The following GALNT8 variants were observed in gnomAD, a reference collection of about 807,000 sequenced individuals.
GALNT8 encodes probable polypeptide N-acetylgalactosaminyltransferase 8.
GALNT8 carries 66 observed loss-of-function variants against 62.7 expected under a neutral mutation model. The ratio of observed to expected loss-of-function variants is 1.05; its 90% CI spans 0.86 to 1.29. The LOEUF (loss-of-function observed/expected upper bound fraction) is 1.29, where lower values mean the gene tolerates loss of function less well. Ranked by LOEUF, GALNT8 falls within the 50% of genes most tolerant of loss-of-function variation. The probability of loss-of-function intolerance (pLI) is 0.00; values close to 1 mark genes in which losing one functional copy is unlikely to be tolerated. For synonymous variants in GALNT8, 288 were observed against 294.3 expected, an observed-to-expected ratio of 0.98 and a Z score of 0.22; for missense variants, 771 against 791.8, an observed-to-expected ratio of 0.97 and a Z score of 0.32.
chr12:4,733,745 C>T (rs775434394), intron 2 of GALNT8, among the ~76,000 whole-genome samples: 2 of 152,204 alleles, frequency 1.3e-5, no homozygotes, highest in African/African-American at 2.4e-5. Flanking sequence ...GTCCAAGGCT[C>T]GTTTCTGCTG....
intron 9 of GALNT8, 34 bp downstream of exon 9, chr12:4,764,081 C>T (rs1306049335): frequency 5.0e-6 from 6 of 1,197,708 alleles, no homozygotes; most frequent in Non-Finnish European, 6.3e-6. Flanking sequence ...CCTGCCTGGG[C>T]AAGTCTGTCG....
chr12:4,738,906 AGTAT>A (rs1251697783), intron 2 of GALNT8, among the ~76,000 whole-genome samples: 1 of 152,208 alleles, frequency 6.6e-6, no homozygotes, highest in East Asian at 1.9e-4. Flanking sequence ...TTCCTTTTGA[AGTAT>A]GTTGAATGTT....
At chr12:4,765,326 T>C in intron 9 of GALNT8, 53 bp from the exon 10 acceptor site, 1 of 1,450,420 alleles carries the variant, frequency 6.9e-7, no homozygotes, top group Non-Finnish European at 9.1e-7. Flanking sequence ...TCCTGCTGGC[T>C]GACAATGCCT....
chr12:4,743,282 G>A (rs1946280237), intron 3 of GALNT8, among the ~76,000 whole-genome samples: 1 of 152,212 alleles, frequency 6.6e-6, no homozygotes, highest in South Asian at 2.1e-4. Context: ...TAAAAGTAGT[G>A]CCTGGGTAAG....
At chr12:4,769,072 T>TTGAGGAGCACAGCGTTAAGATAG (rs1222095560) in intron 10 of GALNT8, among the ~76,000 whole-genome samples, 4 of 152,090 alleles carry the variant, frequency 2.6e-5, no homozygotes, top group Admixed American at 6.6e-5. Context: ...GGACTTTAAG[T>TTGAGGAGCACAGCGTTAAGATAG]TGAGGAGCAC....
Position 4,763,207 on chromosome 12 carries a change from G to C in GALNT8, c.1360-46G>C, listed in dbSNP as rs1313520693. ...GCCATATTTAGTTCGCTTTAACAGA[G>C]CTTTCATGAATCAAAGCACAGAAAC... On this transcript the variant is annotated intron_variant, in intron 7 of 10. Transcript: ENST00000252318. The C allele has an allele frequency of 1.9e-6, 3 of 1,562,408 alleles. No individual in the cohort carries two copies. In the East Asian group the frequency reaches 6.7e-5, roughly 35 times the overall value.
intron 1 of GALNT8, 110 bp downstream of exon 1, chr12:4,720,998 T>C (rs1257839404): frequency 2.9e-6 from 2 of 685,606 alleles, no homozygotes; most frequent in Non-Finnish European, 5.3e-6. Flanking sequence ...CATTTTCATC[T>C]CAGTCGCTCA....
intron 7 of GALNT8, among the ~76,000 whole-genome samples, chr12:4,762,174 C>G (rs1946376280): frequency 6.6e-6 from 1 of 152,074 alleles, no homozygotes; most frequent in African/African-American, 2.4e-5. Context: ...CCCAGTATAC[C>G]AAGGTATGAT....
intron 2 of GALNT8, among the ~76,000 whole-genome samples, chr12:4,731,035 A>T (rs1020391653): frequency 1.3e-5 from 2 of 151,968 alleles, no homozygotes; most frequent in Admixed American, 6.6e-5. Context: ...TTTTTAGTAG[A>T]GACGGGGTTT....
chr12:4,729,425 C>T (rs753634450), intron 2 of GALNT8, among the ~76,000 whole-genome samples: 2 of 152,132 alleles, frequency 1.3e-5, no homozygotes, highest in Non-Finnish European at 2.9e-5. Context: ...TCTCTAACCC[C>T]TCTTCGCCCA....
chr12:4,745,340 AG>A (rs1174511738), intron 4 of GALNT8, 88 bp from the exon 5 acceptor site: 9 of 817,652 alleles, frequency 1.1e-5, no homozygotes, highest in Non-Finnish European at 1.9e-5. Context: ...ACTCAATGTC[AG>A]GGCAAGGTGC....
chr12:4,764,052 C>G lies in GALNT8; in HGVS notation c.1593+5C>G. The stretch of plus-strand genomic sequence containing the variant: ...TGCCATGAATTCAGCTCACAGGTAT[C>G]TTCCACAATCTTCCTGGCCCTGCCT... On this transcript the variant is annotated splice_donor_5th_base_variant and intron_variant, in intron 9 of 10. Coordinates refer to ENST00000252318, the MANE Select transcript of GALNT8 (RefSeq NM_017417.2). The G allele has an allele frequency of 6.9e-7, 1 of 1,451,974 alleles. No individual in the cohort carries two copies. The highest frequency in any genetic ancestry group is 1.1e-5 in the South Asian group (1 of 88,104). The allele number at this position is 1,451,974 out of a possible 1,614,324, so 89.9% of individuals were successfully genotyped here.
At chr12:4,752,872 G>A (rs1019496905) in intron 6 of GALNT8, among the ~76,000 whole-genome samples, 1 of 152,150 alleles carries the variant, frequency 6.6e-6, no homozygotes, top group East Asian at 1.9e-4. Context: ...TGTTGATGAA[G>A]TCTTTCAGCT....
At chr12:4,759,044 G>A (rs976279027) in intron 6 of GALNT8, among the ~76,000 whole-genome samples, 2 of 152,068 alleles carry the variant, frequency 1.3e-5, no homozygotes, top group Non-Finnish European at 2.9e-5. Context: ...CCAAATTGCT[G>A]GGATTACAGG....
intron 10 of GALNT8, among the ~76,000 whole-genome samples, chr12:4,770,982 G>C (rs1321709850): frequency 6.6e-6 from 1 of 152,204 alleles, no homozygotes; most frequent in African/African-American, 2.4e-5. Context: ...AGGGAACAGA[G>C]GGGGGCTGCT....
chr12:4,730,635 T>C (rs1033175256), intron 2 of GALNT8, among the ~76,000 whole-genome samples: 2 of 152,174 alleles, frequency 1.3e-5, no homozygotes, highest in African/African-American at 2.4e-5. Context: ...TATTTTGAAG[T>C]CATGTAGTGT....
chr12:4,764,084 G>T (rs1946386666), intron 9 of GALNT8, 37 bp downstream of exon 9: 1 of 1,140,436 alleles, frequency 8.8e-7, no homozygotes, highest in East Asian at 2.3e-5. Flanking sequence ...GCCTGGGCAA[G>T]TCTGTCGTGG....
intron 6 of GALNT8, 111 bp downstream of exon 6, chr12:4,746,369 G>A: frequency 1.4e-6 from 1 of 705,826 alleles, no homozygotes; most frequent in African/African-American, 1.8e-5. Context: ...GCTCAAAGGT[G>A]GATACATTCT....
At chr12:4,742,659 C>G (rs768119388) in intron 3 of GALNT8, among the ~76,000 whole-genome samples, 3 of 151,848 alleles carry the variant, frequency 2.0e-5, no homozygotes, top group African/African-American at 4.8e-5. Flanking sequence ...GAGGCAGGCT[C>G]GGATTGGGAC....
Sources: allele counts gnomAD v4.1 joint callset (sites outside exome capture counted in the v4.1 genomes callset), GRCh38; gene constraint gnomAD v4.1.1; transcripts MANE v1.5; gene names NCBI Gene and HGNC (gene_info 2026-07-23, HGNC 2026-07-21).